The following MITF variants were observed in gnomAD, a reference collection of about 807,000 sequenced individuals.
The protein encoded by MITF is microphthalmia-associated transcription factor.
A neutral mutation model predicts 60.5 loss-of-function variants in MITF; 17 were observed. The ratio of observed to expected loss-of-function variants is 0.28; its 90% CI spans 0.19 to 0.42. MITF has a LOEUF of 0.42. MITF is among the 10% of genes least tolerant of loss of function. The pLI, the probability that MITF is intolerant of heterozygous loss-of-function variation, is 1.00. For missense variants in MITF, 622 were observed against 683.5 expected (o/e 0.91, Z 1.00); for synonymous variants, 260 against 248.5 (o/e 1.05, Z -0.43).
At chr3:69,820,831 A>G (rs569586496) in intron 1 of MITF, among the ~76,000 whole-genome samples, 3 of 152,192 alleles carry the variant, frequency 2.0e-5, no homozygotes, top group Admixed American at 6.5e-5. Context: ...CTGGTGCAAT[A>G]CAAGTGTCAA....
chr3:69,880,267 G>A (rs1004275698), intron 2 of MITF, among the ~76,000 whole-genome samples: 1 of 151,960 alleles, frequency 6.6e-6, no homozygotes, highest in Non-Finnish European at 1.5e-5. Context: ...TCATCCATGT[G>A]CACAGAAAAA....
At chr3:69,898,438 G>C (rs961243890) in intron 2 of MITF, among the ~76,000 whole-genome samples, 1 of 152,230 alleles carries the variant, frequency 6.6e-6, no homozygotes, top group South Asian at 2.1e-4. Context: ...TCTGCTTCTA[G>C]AGCCAAGTCT....
intron 9 of MITF, among the ~76,000 whole-genome samples, chr3:69,962,612 A>G (rs1414835733): frequency 6.6e-6 from 1 of 152,160 alleles, no homozygotes; most frequent in African/African-American, 2.4e-5. Flanking sequence ...TCAAATTTAT[A>G]TTCTCTTGCT....
chr3:69,768,095 G>A (rs1460852744), intron 1 of MITF, among the ~76,000 whole-genome samples: 2 of 152,132 alleles, frequency 1.3e-5, no homozygotes, highest in South Asian at 4.2e-4. Flanking sequence ...CATGGTCTCT[G>A]CCCACAATCA....
At chr3:69,911,545 A>G (rs536570091) in intron 2 of MITF, among the ~76,000 whole-genome samples, 25 of 152,216 alleles carry the variant, frequency 1.6e-4, no homozygotes, top group Non-Finnish European at 2.6e-4. Context: ...AATAAATAGG[A>G]GAACCATATT....
chr3:69,900,422 C>T (rs988203880), intron 2 of MITF, among the ~76,000 whole-genome samples: 2 of 152,192 alleles, frequency 1.3e-5, no homozygotes, highest in African/African-American at 4.8e-5. Flanking sequence ...TTTTGCATAA[C>T]ATGTGTGGTA....
intron 1 of MITF, among the ~76,000 whole-genome samples, chr3:69,750,875 G>A (rs1428841726): frequency 6.6e-6 from 1 of 152,074 alleles, no homozygotes; most frequent in Admixed American, 6.6e-5. Context: ...ATATAAGCTT[G>A]GGTGACAGAA....
Position 69,947,825 on chromosome 3 carries a change from A to G in MITF, c.763-1226A>G, listed in dbSNP as rs1349026505. ...GCTAGGGGTTTAATTCATAGAGTAT[A>G]TGTTTAGAGGCTATCACAGAAATAG... On this transcript the variant is annotated intron_variant, in intron 5 of 9. Transcript: ENST00000352241. 1.1e-4 allele frequency among the ~76,000 whole-genome samples: 17 copies of G among 152,132 alleles called. No individual in the cohort carries two copies. The South Asian group carries it at 3.3e-3, about 30-fold the overall frequency.
chr3:69,848,497 C>T (rs2063769035), intron 1 of MITF, among the ~76,000 whole-genome samples: 1 of 152,166 alleles, frequency 6.6e-6, no homozygotes, highest in African/African-American at 2.4e-5. Context: ...CAGTATGATA[C>T]TTTCATGTTA....
intron 9 of MITF, among the ~76,000 whole-genome samples, chr3:69,960,241 T>C (rs2066506951): frequency 6.6e-6 from 1 of 152,226 alleles, no homozygotes; most frequent in Non-Finnish European, 1.5e-5. Context: ...ACCCAGAGGA[T>C]CTTATATTAA....
intron 1 of MITF, among the ~76,000 whole-genome samples, chr3:69,781,240 C>G (rs1019372971): frequency 1.3e-5 from 2 of 152,074 alleles, no homozygotes; most frequent in African/African-American, 4.8e-5. Flanking sequence ...TGAGCATGTT[C>G]TTTTCAAATA....
chr3:69,744,754 A>G (rs1703657514), intron 1 of MITF, among the ~76,000 whole-genome samples: 1 of 152,220 alleles, frequency 6.6e-6, no homozygotes, highest in Non-Finnish European at 1.5e-5. Context: ...GAATGTTAGT[A>G]AATTCCTTTT....
rs558155601 is a variant in MITF at position 69,784,652 on chromosome 3, G to A, written c.104+44951G>A. Among the ~76,000 whole-genome samples, 35 of 152,192 alleles carry A rather than the reference G, an allele frequency of 2.3e-4. No homozygotes were observed. The South Asian group carries it at 7.3e-3, about 32-fold the overall frequency. ...GAGAAATTACTTTTTTGAGGAAGCTGAACTAGCCAGCTAGTCTCCACTCTA... is the reference window on the plus strand; with the variant it reads ...GAGAAATTACTTTTTTGAGGAAGCTAAACTAGCCAGCTAGTCTCCACTCTA... On this transcript the variant is annotated intron_variant, in intron 1 of 9. Transcript: ENST00000352241.
chr3:69,855,167 A>G (rs2063894435), intron 1 of MITF, among the ~76,000 whole-genome samples: 1 of 147,724 alleles, frequency 6.8e-6, no homozygotes, highest in Non-Finnish European at 1.5e-5. Context: ...TTTGCCCTAA[A>G]CCCCTCCTAA....
chr3:69,798,975 T>C (rs1422255138), intron 1 of MITF, among the ~76,000 whole-genome samples: 2 of 152,210 alleles, frequency 1.3e-5, no homozygotes, highest in African/African-American at 4.8e-5. Context: ...GATCATTTGA[T>C]GAATTCTGTG....
chr3:69,781,826 C>T (rs1331411963), intron 1 of MITF, among the ~76,000 whole-genome samples: 1 of 152,160 alleles, frequency 6.6e-6, no homozygotes, highest in Non-Finnish European at 1.5e-5. Context: ...TGAGTGATTC[C>T]AACACAGTTA....
intron 7 of MITF, 87 bp downstream of exon 7, chr3:69,951,973 G>C (rs1017097133): frequency 3.1e-6 from 3 of 967,960 alleles, no homozygotes; most frequent in Admixed American, 1.9e-5. Flanking sequence ...GTAGAGGAGA[G>C]TTGATTCCTA....
chr3:69,756,381 G>A (rs1704149019), intron 1 of MITF, among the ~76,000 whole-genome samples: 1 of 152,112 alleles, frequency 6.6e-6, no homozygotes, highest in Non-Finnish European at 1.5e-5. Flanking sequence ...AGAACATGCA[G>A]TGTTTGGTTT....
chr3:69,860,076 T>G (rs2063985958), intron 1 of MITF, among the ~76,000 whole-genome samples: 1 of 152,198 alleles, frequency 6.6e-6, no homozygotes, highest in Admixed American at 6.5e-5. Flanking sequence ...TTGTGTTGTC[T>G]CACCTACTCT....
Sources: allele counts gnomAD v4.1 joint callset (sites outside exome capture counted in the v4.1 genomes callset), GRCh38; gene constraint gnomAD v4.1.1; transcripts MANE v1.5; gene names NCBI Gene and HGNC (gene_info 2026-07-23, HGNC 2026-07-21).